The following SEMA3D variants were observed in gnomAD, a reference collection of about 807,000 sequenced individuals.
SEMA3D encodes the protein semaphorin-3D.
In SEMA3D, 84 loss-of-function variants were observed where a neutral mutation model predicts 100.1. The observed-to-expected ratio is 0.84, with a 90% CI of 0.70 to 1.01. The LOEUF is 1.01. SEMA3D is among the 50% of genes least tolerant of loss of function. The pLI is 0.00. For synonymous variants in SEMA3D, 312 were observed against 320.7 expected (o/e 0.97, Z 0.29); for missense variants, 875 against 934.1 (o/e 0.94, Z 0.82).
intron 3 of SEMA3D, among the ~76,000 whole-genome samples, chr7:85,119,002 GA>G (rs60200172): frequency 1.2e-4 from 18 of 148,160 alleles, no homozygotes; most frequent in African/African-American, 3.7e-4. Context: ...ACAATCATGT[GA>G]AAAAAAAAAC....
At chr7:85,053,169 A>C (rs540387708) in intron 9 of SEMA3D, among the ~76,000 whole-genome samples, 5 of 152,102 alleles carry the variant, frequency 3.3e-5, no homozygotes, top group South Asian at 2.1e-4. Flanking sequence ...GTTCTGTGGG[A>C]ATATGCTGGT....
At chr7:85,101,857 A>G (rs748737977) in intron 3 of SEMA3D, among the ~76,000 whole-genome samples, 1 of 152,058 alleles carries the variant, frequency 6.6e-6, no homozygotes, top group Non-Finnish European at 1.5e-5. Flanking sequence ...GGGCCAAATA[A>G]GATATATTTA....
At chr7:85,122,053 C>A in intron 2 of SEMA3D, 122 bp from the exon 3 acceptor site, 1 of 553,384 alleles carries the variant, frequency 1.8e-6, no homozygotes, top group Non-Finnish European at 3.1e-6. Flanking sequence ...CACATGGACA[C>A]AGGGAGGGGA....
chr7:85,170,597 T>C (rs1357525993), intron 1 of SEMA3D, among the ~76,000 whole-genome samples: 2 of 151,990 alleles, frequency 1.3e-5, no homozygotes, highest in South Asian at 2.1e-4. Context: ...GACATAATAG[T>C]CTAATAAATT....
chr7:85,164,879 G>C (rs980213588), intron 1 of SEMA3D, among the ~76,000 whole-genome samples: 1 of 152,092 alleles, frequency 6.6e-6, no homozygotes, highest in East Asian at 1.9e-4. Context: ...CAGGCACTTA[G>C]AGATATAAAA....
At chr7:85,146,748 A>C (rs1790217368) in intron 2 of SEMA3D, among the ~76,000 whole-genome samples, 1 of 152,046 alleles carries the variant, frequency 6.6e-6, no homozygotes, top group African/African-American at 2.4e-5. Context: ...TTTCAGGAAA[A>C]ATGTACAATA....
At chr7:85,091,304 C>T (rs1046543065) in intron 4 of SEMA3D, among the ~76,000 whole-genome samples, 32 of 152,156 alleles carry the variant, frequency 2.1e-4, no homozygotes, top group Admixed American at 5.2e-4. Flanking sequence ...GTAAGCCATA[C>T]GTCATTCTCT....
chr7:85,122,037 T>C (rs551799658), intron 2 of SEMA3D, 106 bp from the exon 3 acceptor site: 1 of 581,064 alleles, frequency 1.7e-6, no homozygotes, highest in Admixed American at 3.5e-5. Context: ...AGTTGAACAA[T>C]GAGAACACAT....
At chr7:85,202,824 C>CT in the SEMA3D span, among the ~76,000 whole-genome samples, 100,551 of 150,714 alleles carry the variant, frequency 0.67, 34,308 homozygotes, top group East Asian at 0.92. Flanking sequence ...ATGGCAATCT[C>CT]TTTTTTTTTA....
At chr7:85,158,838 A>C (rs62462197) in intron 1 of SEMA3D, among the ~76,000 whole-genome samples, 1 of 152,082 alleles carries the variant, frequency 6.6e-6, no homozygotes, top group Non-Finnish European at 1.5e-5. Flanking sequence ...TAGGGAAAAT[A>C]GAAAAGAACA....
chr7:85,193,890 G>A, the SEMA3D span, among the ~76,000 whole-genome samples: 1,431 of 145,080 alleles, frequency 9.9e-3, 25 homozygotes, highest in African/African-American at 0.034. Flanking sequence ...AAAAAAAAAC[G>A]CAGTTTAAAG....
chr7:85,027,324 T>C (rs1790418203), intron 12 of SEMA3D, among the ~76,000 whole-genome samples: 1 of 151,998 alleles, frequency 6.6e-6, no homozygotes, highest in Non-Finnish European at 1.5e-5. Context: ...CACGTATATC[T>C]CAAGTTTGGA....
At chr7:85,084,173 G>T (rs997335775) in intron 4 of SEMA3D, among the ~76,000 whole-genome samples, 1 of 151,894 alleles carries the variant, frequency 6.6e-6, no homozygotes, top group Admixed American at 6.6e-5. Flanking sequence ...ATTGCATCTT[G>T]AATTCAGAGT....
the SEMA3D span, among the ~76,000 whole-genome samples, chr7:85,202,108 G>T: frequency 2.0e-5 from 3 of 150,906 alleles, no homozygotes; most frequent in Admixed American, 2.0e-4. Context: ...TGCACATTGT[G>T]CAGGTTAGTT....
At chr7:85,181,673 T>C (rs915170158) in intron 1 of SEMA3D, 1 of 472,686 alleles carries the variant, frequency 2.1e-6, no homozygotes, top group Admixed American at 6.4e-5. Context: ...GCTGACCTCC[T>C]TCCAAAGAGT....
rs1419173017 is a variant in SEMA3D, at chr7:84,995,830, G to A, written c.*3610C>T. On this transcript the variant is annotated 3_prime_UTR_variant, in exon 19 of 19. Coordinates refer to ENST00000284136, the MANE Select transcript of SEMA3D (RefSeq NM_001384900.1). Reference sequence around the variant, plus strand: ...TAAAATATTTAAATGAGAGGTATAAGTCATGTGTATGATCCTGTCTTTGCA... The same window carrying A: ...TAAAATATTTAAATGAGAGGTATAAATCATGTGTATGATCCTGTCTTTGCA... 1 of 151,876 alleles carries A rather than the reference G, an allele frequency of 6.6e-6. No homozygotes were observed. The highest frequency in any genetic ancestry group is 2.4e-5 in the African/African-American group (1 of 41,386). The allele number at this position is 151,876 out of a possible 1,614,324, so 9.4% of individuals were successfully genotyped here.
intron 15 of SEMA3D, among the ~76,000 whole-genome samples, chr7:85,017,844 C>T (rs989766581): frequency 2.0e-5 from 3 of 151,570 alleles, no homozygotes; most frequent in Non-Finnish European, 2.9e-5. Context: ...TCTGAGAGTT[C>T]GATATTATGT....
rs955274072 is a variant in SEMA3D at position 85,186,765 on chromosome 7, G to C, written c.-260C>G. The C allele has an allele frequency of 6.6e-6, 1 of 152,164 alleles. No homozygotes were observed. Among genetic ancestry groups the C allele is most frequent in the African/African-American group, 2.4e-5 (1 of 41,424 alleles). 9.4% of individuals were successfully genotyped at this position (152,164 alleles called of 1,614,324 possible). A position where few individuals can be genotyped will look rare whatever the true frequency, so the allele number is the denominator to read the frequency against. On this transcript the variant is annotated 5_prime_UTR_variant, in exon 1 of 19. Coordinates refer to ENST00000284136, the MANE Select transcript of SEMA3D (RefSeq NM_001384900.1). ...GATGCAGGCTGAGGTCCAGCGGCGC[G>C]GCAACCCGGGGCACCGGCGCGCGTT...
chr7:85,030,305 C>A (rs889843551), intron 12 of SEMA3D, among the ~76,000 whole-genome samples: 3 of 151,634 alleles, frequency 2.0e-5, no homozygotes, highest in Non-Finnish European at 2.9e-5. Context: ...TCATCAGTGT[C>A]CACATAGTAA....
Sources: gnomAD v4.1 joint callset for allele counts (sites outside exome capture counted in the v4.1 genomes callset) on GRCh38, gnomAD v4.1.1 for gene constraint, MANE v1.5 for transcripts, NCBI Gene and HGNC (gene_info 2026-07-23, HGNC 2026-07-21) for gene names.